The following POGLUT1 variants were observed in gnomAD, a reference collection of about 807,000 sequenced individuals.
The protein encoded by POGLUT1 is protein O-glucosyltransferase 1.
POGLUT1 carries 32 observed loss-of-function variants against 61.3 expected under a neutral mutation model. That is an observed-to-expected ratio of 0.52 (90% CI 0.39 to 0.70). The LOEUF is 0.70. Ranked by LOEUF, POGLUT1 falls within the 30% of genes least tolerant of loss-of-function variation. The pLI is 0.00. For missense variants in POGLUT1, 411 were observed against 469.8 expected (o/e 0.87, Z 1.16); for synonymous variants, 158 against 158.2 (o/e 1.00, Z 0.01).
chr3:119,472,882 T>A (rs1332901963), intron 3 of POGLUT1, among the ~76,000 whole-genome samples: 3 of 152,060 alleles, frequency 2.0e-5, no homozygotes, highest in Non-Finnish European at 4.4e-5. Flanking sequence ...AATACAAACA[T>A]TAGCTGAGTG....
intron 8 of POGLUT1, 139 bp downstream of exon 8, chr3:119,489,126 AG>A: frequency 1.9e-6 from 1 of 525,624 alleles, no homozygotes; most frequent in South Asian, 2.8e-5. Flanking sequence ...GCTTTTCCTC[AG>A]GGCCTAAATG....
intron 4 of POGLUT1, 38 bp downstream of exon 4, chr3:119,477,486 G>T (rs777882890): frequency 6.3e-7 from 1 of 1,596,974 alleles, no homozygotes; most frequent in Non-Finnish European, 8.6e-7. Flanking sequence ...GATGGAGAGT[G>T]GTCCTCTAGG....
At position 119,493,805 on chromosome 3, in the gene POGLUT1, T is replaced by A. The variant is rs892845842; in HGVS notation, c.*1367T>A. ...AATAAGCAGATGTTTAAAGTTGGAT[T>A]TTTTTTTTTTTTTTTTTTTGAGTAC... On this transcript the variant is annotated 3_prime_UTR_variant, in exon 11 of 11. Transcript: ENST00000295588. 18 of 101,762 alleles carry A rather than the reference T, an allele frequency of 1.8e-4. No individual in the cohort carries two copies. The highest frequency in any genetic ancestry group is 4.4e-4 in the African/African-American group (14 of 31,544). 6.3% of individuals were successfully genotyped at this position (101,762 alleles called of 1,614,324 possible).
At chr3:119,490,509 C>T (rs2107717856) in intron 8 of POGLUT1, 42 bp from the exon 9 acceptor site, 1 of 1,538,360 alleles carries the variant, frequency 6.5e-7, no homozygotes, top group Non-Finnish European at 9.0e-7. Context: ...TTTGTGGCAG[C>T]AGGCATATAG....
At chr3:119,481,935 T>G (rs2081609978) in intron 5 of POGLUT1, among the ~76,000 whole-genome samples, 2 of 152,224 alleles carry the variant, frequency 1.3e-5, no homozygotes, top group East Asian at 3.8e-4. Context: ...CTTGGTTGTT[T>G]TTTAAAATTT....
Position 119,477,470 on chromosome 3 carries a change from T to C in POGLUT1, c.456+22T>C, listed in dbSNP as rs369328385. On this transcript the variant is annotated intron_variant, in intron 4 of 10. Coordinates refer to ENST00000295588, the MANE Select transcript of POGLUT1 (RefSeq NM_152305.3). The stretch of plus-strand genomic sequence containing the variant: ...TAAGGTAAGTACAGGGAGAGCCACA[T>C]GGGTGGATGGAGAGTGGTCCTCTAG... The C allele has an allele frequency of 1.9e-6, 3 of 1,611,038 alleles. No homozygotes were observed. In the African/African-American group the frequency reaches 4.0e-5, roughly 22 times the overall value.
chr3:119,480,241 C>A, intron 5 of POGLUT1, 69 bp downstream of exon 5: 1 of 1,273,408 alleles, frequency 7.9e-7, no homozygotes, highest in Non-Finnish European at 1.1e-6. Flanking sequence ...TAGAATATAA[C>A]CAATTATTTA....
chr3:119,483,204 T>C (rs1183887581), intron 5 of POGLUT1, among the ~76,000 whole-genome samples: 2 of 152,230 alleles, frequency 1.3e-5, no homozygotes, highest in Non-Finnish European at 2.9e-5. Flanking sequence ...CAGATGAATG[T>C]GCAAAGATTT....
rs771397092 is a variant in POGLUT1 at position 119,492,278 on chromosome 3, C to A, written c.1023-4C>A. 6.3e-7 allele frequency: 1 copy of A among 1,593,672 alleles called. No individual in the cohort carries two copies. The highest frequency in any genetic ancestry group is 1.1e-5 in the South Asian group (1 of 87,534). On this transcript the variant is annotated splice_region_variant and splice_polypyrimidine_tract_variant and intron_variant, in intron 10 of 10. Coordinates refer to ENST00000295588, the MANE Select transcript of POGLUT1 (RefSeq NM_152305.3). ...AACATTTTCTTGTTAAATCTTGTCT[C>A]TAGGGGAAGCCAGTTTATTAGGAAC...
chr3:119,482,134 TC>T (rs2081612030), intron 5 of POGLUT1, among the ~76,000 whole-genome samples: 1 of 152,076 alleles, frequency 6.6e-6, no homozygotes, highest in East Asian at 1.9e-4. Flanking sequence ...TCTAATCCTT[TC>T]CCCCCCTCCT....
intron 9 of POGLUT1, among the ~76,000 whole-genome samples, chr3:119,491,247 A>G (rs2081741357): frequency 6.7e-6 from 1 of 148,244 alleles, no homozygotes; most frequent in South Asian, 2.1e-4. Flanking sequence ...ATATAATATA[A>G]ATATACAAAA....
chr3:119,486,764 C>A, intron 6 of POGLUT1, 69 bp from the exon 7 acceptor site: 1 of 1,044,354 alleles, frequency 9.6e-7, no homozygotes, highest in Non-Finnish European at 1.5e-6. Context: ...GTCCTGCTCA[C>A]CTTTCAGGGA....
intron 7 of POGLUT1, 99 bp downstream of exon 7, chr3:119,487,031 G>A (rs1188452202): frequency 6.2e-6 from 5 of 803,036 alleles, no homozygotes; most frequent in African/African-American, 1.7e-5. Context: ...TCCTGTCAGT[G>A]GTGAGGTGAA....
intron 4 of POGLUT1, chr3:119,479,776 A>C (rs1299615046): frequency 2.2e-6 from 1 of 453,766 alleles, no homozygotes; most frequent in African/African-American, 2.0e-5. Context: ...AAATCTTAAC[A>C]GTATATATCC....
intron 4 of POGLUT1, among the ~76,000 whole-genome samples, 167 bp downstream of exon 4, chr3:119,477,615 C>A (rs1190448193): frequency 6.6e-6 from 1 of 152,180 alleles, no homozygotes; most frequent in Admixed American, 6.6e-5. Context: ...AGCAAAAAGA[C>A]AGAGGAGATG....
chr3:119,485,899 C>T (rs1577085392), intron 6 of POGLUT1, among the ~76,000 whole-genome samples: 1 of 152,156 alleles, frequency 6.6e-6, no homozygotes, highest in Non-Finnish European at 1.5e-5. Context: ...AGTAGGAGGA[C>T]CCTGTGTTGT....
chr3:119,484,287 T>C (rs1036715891), intron 5 of POGLUT1, among the ~76,000 whole-genome samples: 3 of 152,106 alleles, frequency 2.0e-5, no homozygotes, highest in Non-Finnish European at 4.4e-5. Context: ...GCCTAGAAAG[T>C]TTATATCCTA....
At chr3:119,483,842 C>G (rs1560036306) in intron 5 of POGLUT1, among the ~76,000 whole-genome samples, 1 of 152,136 alleles carries the variant, frequency 6.6e-6, no homozygotes, top group South Asian at 2.1e-4. Flanking sequence ...CAAATGTCCC[C>G]TGGGTGGGAG....
chr3:119,486,871 G>A lies in POGLUT1; in HGVS notation c.677G>A (p.Arg226Gln), dbSNP rs117423733. 233 of 1,613,688 alleles carry A rather than the reference G, an allele frequency of 1.4e-4. 3 individuals are homozygous for A. The East Asian group carries it at 4.4e-3, about 31-fold the overall frequency. ...PERDPLILLS[R>Q]KNPKLVDAEY... Reference sequence around the variant, plus strand: ...CGAGATCCTCTCATTCTTCTGTCTCGGAAAAACCCAAAACTTGTTGATGCA... The same window carrying A: ...CGAGATCCTCTCATTCTTCTGTCTCAGAAAAACCCAAAACTTGTTGATGCA... Residue 226 changes from arginine to glutamine, a missense_variant, in exon 7 of 11, where the codon CGG becomes CAG. Physicochemically the swap from Arg to Gln is conservative, Grantham distance 43 (BLOSUM62 1). Coordinates refer to ENST00000295588, the MANE Select transcript of POGLUT1 (RefSeq NM_152305.3).
Sources: allele counts gnomAD v4.1 joint callset (sites outside exome capture counted in the v4.1 genomes callset), GRCh38; gene constraint gnomAD v4.1.1; transcripts MANE v1.5; gene names NCBI Gene and HGNC (gene_info 2026-07-23, HGNC 2026-07-21).